Variants in NEXMIF observed in about 807,000 individuals in gnomAD.
NEXMIF encodes the protein XLMR protein related to neurite extension.
A neutral mutation model predicts 62.1 loss-of-function variants in NEXMIF; 8 were observed. The ratio of observed to expected loss-of-function variants is 0.13; its 90% CI spans 0.08 to 0.23. NEXMIF has a LOEUF of 0.23. Ranked by LOEUF, NEXMIF falls within the 10% of genes least tolerant of loss-of-function variation. NEXMIF has a pLI of 1.00. For missense variants in NEXMIF, 976 were observed against 1,113.3 expected, an observed-to-expected ratio of 0.88 and a Z score of 1.75; for synonymous variants, 404 against 416.6, an observed-to-expected ratio of 0.97 and a Z score of 0.37.
chrX:74,851,394 C>T (rs185114059), intron 1 of NEXMIF, among the ~76,000 whole-genome samples: 26 of 111,027 alleles, frequency 2.3e-4, no homozygotes, highest in Admixed American at 1.9e-3. Context: ...AAATACATAT[C>T]GTCTAAAAAG....
At chrX:74,859,221 A>C (rs1027089322) in intron 1 of NEXMIF, among the ~76,000 whole-genome samples, 7 of 111,553 alleles carry the variant, frequency 6.3e-5, no homozygotes, top group Admixed American at 9.6e-5. Context: ...TAGTCATCAA[A>C]CTTCCAAAGG....
intron 1 of NEXMIF, among the ~76,000 whole-genome samples, chrX:74,875,182 T>C (rs1231532721): frequency 9.0e-6 from 1 of 111,030 alleles, no homozygotes; most frequent in East Asian, 2.8e-4. Context: ...ATACCTAATT[T>C]ATTGAGAGTT....
chrX:74,861,889 A>T (rs771795760), intron 1 of NEXMIF, among the ~76,000 whole-genome samples: 4 of 111,896 alleles, frequency 3.6e-5, no homozygotes, highest in South Asian at 7.5e-4. Flanking sequence ...CACTGCAAAA[A>T]CACACTGAAT....
intron 1 of NEXMIF, among the ~76,000 whole-genome samples, chrX:74,870,901 C>A (rs1003147048): frequency 4.5e-5 from 5 of 112,091 alleles, no homozygotes; most frequent in African/African-American, 1.6e-4. Flanking sequence ...CTATGCAGAA[C>A]AGTTTGTAGG....
Position 74,743,743 on chromosome X carries a change from G to A in NEXMIF, c.814C>T (p.Leu272=), listed in dbSNP as rs756910026. The change falls in exon 3 of 4, where the codon CTG becomes TTG. Residue 272 remains leucine, a synonymous_variant. Transcript: ENST00000055682. ...TCATTTTTGGAACAGAGGTCAAGCA[G>A]TTCAATCTTACTTTCACTAATAAAA... The part of the protein sequence containing the change: ...ETFISESKIE[L]LDLCSKNELS... 1.2e-4 allele frequency: 148 copies of A among 1,210,002 alleles called. No homozygotes were observed. Among genetic ancestry groups the A allele is most frequent in the Non-Finnish European group, 1.6e-4 (146 of 895,225 alleles).
At position 74,866,080 on chromosome X, in the gene NEXMIF, C is replaced by A. The variant is rs190799459; in HGVS notation, c.-48+58803G>T. ...GAATGGTAGATCTGCCGACAGCTTG[C>A]ACCATGTTCCCGGAAATGCCACAGA... On this transcript the variant is annotated intron_variant, in intron 1 of 3. Coordinates refer to ENST00000055682, the MANE Select transcript of NEXMIF (RefSeq NM_001008537.3). Among the ~76,000 whole-genome samples, 4 of 111,531 alleles carry A rather than the reference C, an allele frequency of 3.6e-5. No homozygotes were observed. In the Admixed American group the frequency reaches 3.8e-4, roughly 11 times the overall value.
At chrX:74,924,456 G>T (rs1259473633) in intron 1 of NEXMIF, among the ~76,000 whole-genome samples, 2 of 113,217 alleles carry the variant, frequency 1.8e-5, no homozygotes, top group East Asian at 2.8e-4. Context: ...CCCGGCCTCG[G>T]CCGCCGCGTG....
intron 1 of NEXMIF, among the ~76,000 whole-genome samples, chrX:74,796,231 T>TATATATATATACACATATATA (rs1569345250): frequency 5.6e-5 from 3 of 53,303 alleles, no homozygotes; most frequent in Non-Finnish European, 9.5e-5. Flanking sequence ...ACATATATAA[T>TATATATATATACACATATATA]ATATATATAT....
chrX:74,922,287 C>T (rs1446428432), intron 1 of NEXMIF, among the ~76,000 whole-genome samples: 1 of 111,137 alleles, frequency 9.0e-6, no homozygotes, highest in Non-Finnish European at 1.9e-5. Context: ...TGAAGTAAAA[C>T]AGAAAGTGGC....
At chrX:74,832,290 G>T (rs1430064850) in intron 1 of NEXMIF, among the ~76,000 whole-genome samples, 1 of 111,427 alleles carries the variant, frequency 9.0e-6, no homozygotes, top group African/African-American at 3.3e-5. Flanking sequence ...CTTGTAATTG[G>T]TCTGTTCAGG....
intron 1 of NEXMIF, among the ~76,000 whole-genome samples, chrX:74,836,716 A>C (rs1017368475): frequency 6.3e-5 from 7 of 111,586 alleles, no homozygotes; most frequent in African/African-American, 2.0e-4. Context: ...AGAAGGAAGG[A>C]GACAATTTCG....
intron 1 of NEXMIF, among the ~76,000 whole-genome samples, chrX:74,805,602 G>T (rs1485943964): frequency 9.0e-6 from 1 of 111,651 alleles, no homozygotes; most frequent in African/African-American, 3.3e-5. Flanking sequence ...GTTGACATGG[G>T]TTTTTCCTAG....
intron 1 of NEXMIF, among the ~76,000 whole-genome samples, chrX:74,902,804 T>C (rs2080753163): frequency 1.8e-5 from 2 of 111,727 alleles, no homozygotes; most frequent in Non-Finnish European, 3.8e-5. Flanking sequence ...AATGGCAAGG[T>C]TTCCCATAGC....
chrX:74,779,886 G>C (rs2080240810), intron 1 of NEXMIF, among the ~76,000 whole-genome samples: 1 of 111,754 alleles, frequency 8.9e-6, no homozygotes, highest in Admixed American at 9.5e-5. Flanking sequence ...GCTGCAATAA[G>C]GGATCACTAG....
At chrX:74,891,594 T>G (rs1236454313) in intron 1 of NEXMIF, among the ~76,000 whole-genome samples, 2 of 111,981 alleles carry the variant, frequency 1.8e-5, no homozygotes, top group Middle Eastern at 4.6e-3. Flanking sequence ...GTCCTGTTAT[T>G]ATTGTTGTAT....
intron 1 of NEXMIF, among the ~76,000 whole-genome samples, chrX:74,873,915 G>C (rs887962398): frequency 3.6e-5 from 4 of 111,137 alleles, no homozygotes; most frequent in African/African-American, 1.3e-4. Flanking sequence ...TGAGTAGGTT[G>C]CAAAAATTTT....
chrX:74,879,496 GA>G (rs2080654063), intron 1 of NEXMIF, among the ~76,000 whole-genome samples: 1 of 112,105 alleles, frequency 8.9e-6, no homozygotes, highest in Non-Finnish European at 1.9e-5. Flanking sequence ...AAATAAAGGG[GA>G]AAAGTTAATA....
chrX:74,813,364 C>A (rs1433910714), intron 1 of NEXMIF, among the ~76,000 whole-genome samples: 1 of 111,410 alleles, frequency 9.0e-6, no homozygotes, highest in African/African-American at 3.3e-5. Context: ...AGAAAAAAAA[C>A]ATGCTATAAA....
chrX:74,873,234 T>A (rs976419310), intron 1 of NEXMIF, among the ~76,000 whole-genome samples: 1 of 110,696 alleles, frequency 9.0e-6, no homozygotes, highest in Admixed American at 9.7e-5. Context: ...AGTGAGAATA[T>A]GCGGTGTTTG....
Sources: gnomAD v4.1 joint callset for allele counts (sites outside exome capture counted in the v4.1 genomes callset) on GRCh38, gnomAD v4.1.1 for gene constraint, MANE v1.5 for transcripts, NCBI Gene and HGNC (gene_info 2026-07-23, HGNC 2026-07-21) for gene names.